The following ABLIM1 variants were observed in gnomAD, a reference collection of about 807,000 sequenced individuals.
ABLIM1 encodes actin-binding LIM protein 1.
In ABLIM1, 40 loss-of-function variants were observed where a neutral mutation model predicts 107.0. The ratio of observed to expected loss-of-function variants is 0.37; its 90% CI spans 0.29 to 0.49. The LOEUF is 0.49. ABLIM1 is among the 20% of genes least tolerant of loss of function. The pLI, the probability that ABLIM1 is intolerant of heterozygous loss-of-function variation, is 0.97. For synonymous variants in ABLIM1, 357 were observed against 357.3 expected (o/e 1.00, Z 0.01); for missense variants, 857 against 1,008.5 (o/e 0.85, Z 2.04).
intron 5 of ABLIM1, among the ~76,000 whole-genome samples, chr10:114,547,153 A>G (rs1191608608): frequency 3.3e-5 from 2 of 60,456 alleles, no homozygotes; most frequent in Non-Finnish European, 6.0e-5. Context: ...TTGCCAGGCT[A>G]CATTTAAAAA....
At chr10:114,794,951 C>G in the ABLIM1 span, among the ~76,000 whole-genome samples, 3 of 152,088 alleles carry the variant, frequency 2.0e-5, no homozygotes, top group African/African-American at 7.2e-5. Flanking sequence ...GGACATACAT[C>G]TGAATTTTTA....
chr10:114,799,702 G>A, the ABLIM1 span, among the ~76,000 whole-genome samples: 3 of 152,238 alleles, frequency 2.0e-5, no homozygotes, highest in South Asian at 2.1e-4. Context: ...GAAATAATGT[G>A]AGCCCCCTAT....
the ABLIM1 span, among the ~76,000 whole-genome samples, chr10:114,795,570 G>C: frequency 6.6e-6 from 1 of 152,114 alleles, no homozygotes; most frequent in African/African-American, 2.4e-5. Flanking sequence ...CTAGCCAGGC[G>C]TGGTGGCACG....
upstream of ABLIM1, among the ~76,000 whole-genome samples, chr10:114,660,685 G>A (rs2079754985): frequency 6.6e-6 from 1 of 152,166 alleles, no homozygotes; most frequent in African/African-American, 2.4e-5. Flanking sequence ...CTGGAGCTCT[G>A]CTCTTTGCAA....
intron 1 of ABLIM1, among the ~76,000 whole-genome samples, chr10:114,612,442 A>G (rs1291453510): frequency 1.3e-5 from 2 of 152,192 alleles, no homozygotes; most frequent in Admixed American, 6.5e-5. Context: ...AAATTATCCA[A>G]TCTGTGATAT....
the ABLIM1 span, among the ~76,000 whole-genome samples, chr10:114,784,275 G>A: frequency 6.6e-6 from 1 of 151,574 alleles, no homozygotes; most frequent in Non-Finnish European, 1.5e-5. Flanking sequence ...GAACCTGGGA[G>A]GCGGAAGTTG....
intron 1 of ABLIM1, among the ~76,000 whole-genome samples, chr10:114,691,324 T>A (rs897844229): frequency 6.6e-6 from 1 of 152,202 alleles, no homozygotes; most frequent in Non-Finnish European, 1.5e-5. Flanking sequence ...TTTGCATGAA[T>A]TTTTTTCATA....
chr10:114,660,937 A>G (rs12768716), upstream of ABLIM1, among the ~76,000 whole-genome samples: 11,254 of 152,210 alleles, frequency 0.074, 483 homozygotes, highest in Middle Eastern at 0.11. Flanking sequence ...CTTGGTCCCT[A>G]AACTCATCAA....
chr10:114,766,076 G>A (rs2082885407), intron 1 of ABLIM1, among the ~76,000 whole-genome samples: 1 of 152,172 alleles, frequency 6.6e-6, no homozygotes, highest in Non-Finnish European at 1.5e-5. Context: ...GATTTGGGTA[G>A]AAATCAGGAT....
rs374500495 is a variant in ABLIM1, at chr10:114,725,901, A to C, written c.-213+42160T>G. ...GCTGGAACTACAGGTGCACACCACC[A>C]TGCACAGCTAATTGTTTTCTGTTTT... On this transcript the variant is annotated intron_variant, in intron 1 of 15. Coordinates refer to the ABLIM1 transcript ENST00000651092. Among the ~76,000 whole-genome samples the C allele has an allele frequency of 2.6e-5, 4 of 151,950 alleles. No homozygotes were observed. In the East Asian group the frequency reaches 5.8e-4, roughly 22 times the overall value.
chr10:114,682,332 G>A (rs1487978687), intron 1 of ABLIM1, among the ~76,000 whole-genome samples: 2 of 152,188 alleles, frequency 1.3e-5, no homozygotes, highest in Non-Finnish European at 2.9e-5. Flanking sequence ...AGAAAGGACA[G>A]GATGATCTTC....
chr10:114,575,309 G>A, intron 3 of ABLIM1, 107 bp downstream of exon 3: 1 of 1,231,838 alleles, frequency 8.1e-7, no homozygotes, highest in Non-Finnish European at 1.1e-6. Flanking sequence ...AAGGATAAGA[G>A]TATGTGCTAC....
intron 2 of ABLIM1, among the ~76,000 whole-genome samples, chr10:114,580,887 G>A (rs555492723): frequency 9.7e-4 from 148 of 152,194 alleles, no homozygotes; most frequent in Middle Eastern, 3.4e-3. Flanking sequence ...GTTAACATAC[G>A]CCCAGGGAAA....
chr10:114,650,203 A>G (rs764106702), intron 1 of ABLIM1, among the ~76,000 whole-genome samples: 14 of 152,134 alleles, frequency 9.2e-5, no homozygotes, highest in Non-Finnish European at 1.8e-4. Flanking sequence ...TCTTGTACCC[A>G]TGGCCGTCAC....
At chr10:114,529,599 T>C (rs1430554423) in intron 6 of ABLIM1, among the ~76,000 whole-genome samples, 1 of 152,144 alleles carries the variant, frequency 6.6e-6, no homozygotes, top group East Asian at 1.9e-4. Flanking sequence ...AAGAACGCCG[T>C]GTGGAGTCAA....
chr10:114,541,864 TC>T (rs1293967153), intron 6 of ABLIM1, among the ~76,000 whole-genome samples: 1 of 151,846 alleles, frequency 6.6e-6, no homozygotes, highest in African/African-American at 2.4e-5. Context: ...TAGATTTTCT[TC>T]CCCACAGCTG....
At position 114,442,494 on chromosome 10, in the gene ABLIM1, G is replaced by A. The variant is rs188133881; in HGVS notation, c.1934-708C>T. 2.0e-5 allele frequency among the ~76,000 whole-genome samples: 3 copies of A among 152,298 alleles called. No individual in the cohort carries two copies. The East Asian group carries it at 5.8e-4, about 29-fold the overall frequency. On this transcript the variant is annotated intron_variant, in intron 17 of 22. Coordinates refer to ENST00000533213, the MANE Select transcript of ABLIM1 (RefSeq NM_002313.7). ...ATTTCTTCATCTATGCAGGTACAAT[G>A]TTATACATTCTTATAGAGCAGAATC...
intron 1 of ABLIM1, among the ~76,000 whole-genome samples, chr10:114,752,801 T>C (rs1259361541): frequency 6.6e-6 from 1 of 152,216 alleles, no homozygotes; most frequent in Non-Finnish European, 1.5e-5. Flanking sequence ...TAGTATTCCA[T>C]GGTGTATATG....
intron 1 of ABLIM1, among the ~76,000 whole-genome samples, chr10:114,730,397 C>CAAAAAAAA (rs59713925): frequency 1.1e-4 from 8 of 73,132 alleles, no homozygotes; most frequent in Admixed American, 1.5e-4. Context: ...AACTCCATCT[C>CAAAAAAAA]AAAAAAAAAA....
Sources: gnomAD v4.1 joint callset for allele counts (sites outside exome capture counted in the v4.1 genomes callset) on GRCh38, gnomAD v4.1.1 for gene constraint, MANE v1.5 for transcripts, NCBI Gene and HGNC (gene_info 2026-07-23, HGNC 2026-07-21) for gene names.